DNAJC1: variants seen among roughly 807,000 people sequenced by gnomAD.
DNAJC1 encodes DnaJ heat shock protein family (Hsp40) member C1.
A neutral mutation model predicts 76.6 loss-of-function variants in DNAJC1; 58 were observed. The ratio of observed to expected loss-of-function variants is 0.76; its 90% CI spans 0.61 to 0.94. The LOEUF (loss-of-function observed/expected upper bound fraction) is 0.94, where lower values mean the gene tolerates loss of function less well. Among genes scored for constraint, DNAJC1 ranks in the 40% least tolerant of loss-of-function variants. DNAJC1 has a pLI of 0.00. For synonymous variants in DNAJC1, 258 were observed against 267.9 expected (o/e 0.96, Z 0.36); for missense variants, 689 against 677.3 (o/e 1.02, Z -0.19).
intron 1 of DNAJC1, among the ~76,000 whole-genome samples, chr10:21,974,387 A>G (rs1241858688): frequency 2.0e-5 from 3 of 152,204 alleles, no homozygotes; most frequent in African/African-American, 7.2e-5. Flanking sequence ...TCAAAATACT[A>G]TGTAACCCGT....
intron 9 of DNAJC1, chr10:21,803,800 G>C: frequency 2.1e-6 from 2 of 939,116 alleles, no homozygotes; most frequent in Non-Finnish European, 2.5e-6. Flanking sequence ...CAAAAGTTTA[G>C]ATTTATTACA....
chr10:21,845,998 T>A (rs1198858669), intron 8 of DNAJC1, among the ~76,000 whole-genome samples: 1 of 152,162 alleles, frequency 6.6e-6, no homozygotes, highest in Admixed American at 6.5e-5. Context: ...AAGTAGAATA[T>A]CCATAGTTGA....
Position 21,775,191 on chromosome 10 carries a change from C to A in DNAJC1, c.1099-8882G>T, listed in dbSNP as rs376262487. 8.5e-5 allele frequency among the ~76,000 whole-genome samples: 13 copies of A among 152,162 alleles called. No homozygotes were observed. The East Asian group carries it at 2.3e-3, about 27-fold the overall frequency. On this transcript the variant is annotated intron_variant, in intron 9 of 11. Coordinates refer to ENST00000376980, the MANE Select transcript of DNAJC1 (RefSeq NM_022365.4). ...CACTTAAAAGGCAACTTACAACTTA[C>A]AACAGGTTCGTTAGATAGCAGCAAA... is the stretch of plus-strand genomic sequence containing the variant.
rs1486644390 is a variant in DNAJC1 at position 21,775,659 on chromosome 10, CT to C, written c.1099-9351del. On this transcript the variant is annotated intron_variant, in intron 9 of 11. Coordinates refer to ENST00000376980, the MANE Select transcript of DNAJC1 (RefSeq NM_022365.4). ...TCAGTAAAGTGGGTACCAATTTACT[CT>C]CAAAATGTTTAGTGTTTATTTTCTC... Among the ~76,000 whole-genome samples the C allele has an allele frequency of 2.6e-5, 4 of 152,242 alleles. No homozygotes were observed. In the East Asian group the frequency reaches 7.7e-4, roughly 29 times the overall value.
At chr10:21,913,135 G>T (rs1836895910) in intron 6 of DNAJC1, among the ~76,000 whole-genome samples, 2 of 152,042 alleles carry the variant, frequency 1.3e-5, no homozygotes, top group African/African-American at 4.8e-5. Flanking sequence ...TTATTTGACT[G>T]GTGTTCTTGT....
At chr10:21,760,348 C>A (rs920732938) in intron 10 of DNAJC1, among the ~76,000 whole-genome samples, 2 of 152,184 alleles carry the variant, frequency 1.3e-5, no homozygotes, top group Non-Finnish European at 2.9e-5. Flanking sequence ...GATGACAGAG[C>A]ACTGATATCC....
intron 1 of DNAJC1, among the ~76,000 whole-genome samples, chr10:21,970,899 T>C (rs533105091): frequency 2.6e-5 from 4 of 152,078 alleles, no homozygotes; most frequent in Admixed American, 1.3e-4. Flanking sequence ...CCTTCTAAAC[T>C]TTCCCCCTCC....
At chr10:21,863,584 G>C (rs1051201024) in intron 8 of DNAJC1, among the ~76,000 whole-genome samples, 2 of 152,004 alleles carry the variant, frequency 1.3e-5, no homozygotes, top group Non-Finnish European at 2.9e-5. Flanking sequence ...TATGTACACA[G>C]ACATAAACTG....
chr10:21,912,345 C>T (rs1476790109), intron 6 of DNAJC1, among the ~76,000 whole-genome samples: 1 of 152,078 alleles, frequency 6.6e-6, no homozygotes, highest in Non-Finnish European at 1.5e-5. Context: ...TGCTAACATC[C>T]TACCTAACAT....
chr10:21,870,606 T>C (rs1267207091), intron 8 of DNAJC1, among the ~76,000 whole-genome samples: 1 of 151,878 alleles, frequency 6.6e-6, no homozygotes, highest in Non-Finnish European at 1.5e-5. Context: ...AGACCCCATC[T>C]CTAGAAAATA....
chr10:21,833,877 A>G (rs1835402975), intron 8 of DNAJC1, among the ~76,000 whole-genome samples: 1 of 152,196 alleles, frequency 6.6e-6, no homozygotes, highest in South Asian at 2.1e-4. Flanking sequence ...ACAACCAAAT[A>G]CAAGATTAAG....
At chr10:21,978,006 T>C (rs1289674847) in intron 1 of DNAJC1, among the ~76,000 whole-genome samples, 1 of 152,126 alleles carries the variant, frequency 6.6e-6, no homozygotes, top group Non-Finnish European at 1.5e-5. Context: ...TTTTTAACAA[T>C]AAGAATGTCT....
chr10:21,760,478 A>G (rs894405225), intron 10 of DNAJC1, among the ~76,000 whole-genome samples: 15 of 152,350 alleles, frequency 9.8e-5, no homozygotes, highest in Non-Finnish European at 1.8e-4. Flanking sequence ...CTACTTTTCA[A>G]TTATTAAATT....
intron 1 of DNAJC1, among the ~76,000 whole-genome samples, chr10:21,962,883 T>G (rs1288134546): frequency 6.6e-6 from 1 of 152,192 alleles, no homozygotes; most frequent in Non-Finnish European, 1.5e-5. Context: ...GTTTCTAATT[T>G]CTAATGTAAT....
chr10:21,793,606 C>G (rs543450665), intron 9 of DNAJC1, among the ~76,000 whole-genome samples: 41 of 152,324 alleles, frequency 2.7e-4, no homozygotes, highest in African/African-American at 9.9e-4. Context: ...TAAAAATCCA[C>G]TGTATTCCTA....
At chr10:21,793,083 A>C (rs944757295) in intron 9 of DNAJC1, among the ~76,000 whole-genome samples, 1 of 152,130 alleles carries the variant, frequency 6.6e-6, no homozygotes, top group African/African-American at 2.4e-5. Flanking sequence ...AGGAGGGCAG[A>C]TCATCCGAGG....
At chr10:21,990,633 G>C (rs1216162485) in intron 1 of DNAJC1, among the ~76,000 whole-genome samples, 4 of 152,142 alleles carry the variant, frequency 2.6e-5, no homozygotes, top group African/African-American at 9.7e-5. Flanking sequence ...CAGGCTAGAA[G>C]ACCATCTGCT....
At chr10:21,843,755 T>C (rs1039679935) in intron 8 of DNAJC1, among the ~76,000 whole-genome samples, 2 of 151,968 alleles carry the variant, frequency 1.3e-5, no homozygotes, top group Non-Finnish European at 2.9e-5. Flanking sequence ...TTTTTTTTTT[T>C]TTAAGAGGAA....
At chr10:21,777,068 A>AATAAATG (rs1834461710) in intron 9 of DNAJC1, among the ~76,000 whole-genome samples, 1 of 152,234 alleles carries the variant, frequency 6.6e-6, no homozygotes, top group African/African-American at 2.4e-5. Flanking sequence ...AGAGTAATAA[A>AATAAATG]ATAAATGCTT....
Sources: gnomAD v4.1 joint callset for allele counts (sites outside exome capture counted in the v4.1 genomes callset) on GRCh38, gnomAD v4.1.1 for gene constraint, MANE v1.5 for transcripts, NCBI Gene and HGNC (gene_info 2026-07-23, HGNC 2026-07-21) for gene names.